Variants in ZFAT observed in about 807,000 individuals in gnomAD.
The protein encoded by ZFAT is zinc finger protein ZFAT.
A neutral mutation model predicts 117.7 loss-of-function variants in ZFAT; 64 were observed. That is an observed-to-expected ratio of 0.54 (90% confidence interval 0.44 to 0.67). The LOEUF is 0.67. Ranked by LOEUF, ZFAT falls within the 30% of genes least tolerant of loss-of-function variation. ZFAT has a pLI of 0.00. For synonymous variants in ZFAT, 679 were observed against 615.0 expected, an observed-to-expected ratio of 1.10 and a Z score of -1.54; for missense variants, 1,433 against 1,584.5, an observed-to-expected ratio of 0.90 and a Z score of 1.62.
At chr8:134,769,399 C>A in the ZFAT span, among the ~76,000 whole-genome samples, 1 of 152,314 alleles carries the variant, frequency 6.6e-6, no homozygotes, top group Non-Finnish European at 1.5e-5. Flanking sequence ...GCAGTCAAAT[C>A]TTAAAGTTCC....
At chr8:134,825,803 G>C in the ZFAT span, among the ~76,000 whole-genome samples, 1 of 152,076 alleles carries the variant, frequency 6.6e-6, no homozygotes, top group Admixed American at 6.5e-5. Context: ...GGCGGATCAC[G>C]AGGTCAGGAG....
intron 1 of ZFAT, among the ~76,000 whole-genome samples, chr8:134,665,747 G>A (rs1056606643): frequency 3.3e-5 from 5 of 152,124 alleles, no homozygotes; most frequent in African/African-American, 1.2e-4. Flanking sequence ...CAGAGAGAGA[G>A]AGATGGACAG....
the ZFAT span, among the ~76,000 whole-genome samples, chr8:134,829,000 T>A: frequency 7.2e-5 from 11 of 152,224 alleles, no homozygotes; most frequent in African/African-American, 2.4e-4. Flanking sequence ...TGGGTATAAC[T>A]GCTTGTTGGC....
intron 1 of ZFAT, 105 bp downstream of exon 1, chr8:134,712,740 G>A (rs1415056333): frequency 1.9e-5 from 22 of 1,164,170 alleles, no homozygotes; most frequent in Non-Finnish European, 2.5e-5. Context: ...CCGGCGGCCG[G>A]CGGCCGGCGC....
At chr8:134,614,916 G>T (rs1220636624) in intron 3 of ZFAT, among the ~76,000 whole-genome samples, 1 of 152,132 alleles carries the variant, frequency 6.6e-6, no homozygotes, top group East Asian at 1.9e-4. Context: ...CATACAAATA[G>T]GTGGAACTAT....
chr8:134,770,260 A>G, the ZFAT span, among the ~76,000 whole-genome samples: 10 of 152,096 alleles, frequency 6.6e-5, no homozygotes, highest in Non-Finnish European at 1.5e-4. Flanking sequence ...CATAAAACTG[A>G]ATTGTTGCGG....
intron 10 of ZFAT, among the ~76,000 whole-genome samples, chr8:134,567,418 G>A (rs375789328): frequency 6.6e-6 from 1 of 151,940 alleles, no homozygotes; most frequent in Admixed American, 6.6e-5. Flanking sequence ...AAGCCCCTAA[G>A]CTGGTTTCCT....
Position 134,514,265 on chromosome 8 carries a change from G to A in ZFAT, c.3235-1664C>T, listed in dbSNP as rs1002040104. ...GTTCACGGCTCTGCATAAAGTGCTA[G>A]CATCAGCTGGAAGCGAGGCTTTACT... On this transcript the variant is annotated intron_variant, in intron 13 of 15. Coordinates refer to ENST00000377838, the MANE Select transcript of ZFAT (RefSeq NM_020863.4). Among the ~76,000 whole-genome samples the A allele has an allele frequency of 2.6e-5, 4 of 152,322 alleles. No individual in the cohort carries two copies. The South Asian group carries it at 8.3e-4, about 32-fold the overall frequency.
chr8:134,693,369 A>C (rs1310663420), intron 1 of ZFAT, among the ~76,000 whole-genome samples: 5 of 152,230 alleles, frequency 3.3e-5, no homozygotes, highest in Non-Finnish European at 5.9e-5. Context: ...CTGAGCACCA[A>C]ATTAAACAAT....
chr8:134,786,249 C>G, the ZFAT span, among the ~76,000 whole-genome samples: 1 of 152,246 alleles, frequency 6.6e-6, no homozygotes, highest in South Asian at 2.1e-4. Context: ...TTCTTCTAGT[C>G]TCACTGCACT....
chr8:134,629,329 T>C (rs917779624), intron 3 of ZFAT, among the ~76,000 whole-genome samples: 49 of 151,942 alleles, frequency 3.2e-4, no homozygotes, highest in Admixed American at 3.9e-4. Flanking sequence ...ACACAGCTGG[T>C]GGTGAAATCA....
the ZFAT span, among the ~76,000 whole-genome samples, chr8:134,825,676 T>C: frequency 6.6e-6 from 1 of 152,206 alleles, no homozygotes; most frequent in Non-Finnish European, 1.5e-5. Context: ...AAGCTGTCAA[T>C]ACATCATTTG....
At chr8:134,654,340 AAAGT>A (rs1271008065) in intron 2 of ZFAT, among the ~76,000 whole-genome samples, 2 of 152,218 alleles carry the variant, frequency 1.3e-5, no homozygotes, top group African/African-American at 4.8e-5. Flanking sequence ...AAAAAAGTAC[AAAGT>A]AAAAGTGTAA....
At position 134,490,032 on chromosome 8, in the gene ZFAT, C is replaced by A. The variant is rs114357898; in HGVS notation, c.3493-11311G>T. 2.0e-5 allele frequency among the ~76,000 whole-genome samples: 3 copies of A among 152,168 alleles called. No individual in the cohort carries two copies. In the East Asian group the frequency reaches 5.8e-4, roughly 29 times the overall value. On this transcript the variant is annotated intron_variant, in intron 15 of 15. Coordinates refer to ENST00000377838, the MANE Select transcript of ZFAT (RefSeq NM_020863.4). ...CTCCACTGTGAAATGCAGACCAGAG[C>A]GCCCCAGTCCTCCCCTCCCCAGAGG...
chr8:134,597,263 A>G (rs186312670), intron 7 of ZFAT, among the ~76,000 whole-genome samples: 124 of 152,332 alleles, frequency 8.1e-4, no homozygotes, highest in African/African-American at 2.8e-3. Flanking sequence ...TGCAGGCTCA[A>G]AAGACAAATG....
At position 134,517,284 on chromosome 8, in the gene ZFAT, T is replaced by C. The variant is rs530152545; in HGVS notation, c.3234+3599A>G. 3.9e-5 allele frequency among the ~76,000 whole-genome samples: 6 copies of C among 152,270 alleles called. No homozygotes were observed. The East Asian group carries it at 1.2e-3, about 29-fold the overall frequency. On this transcript the variant is annotated intron_variant, in intron 13 of 15. Transcript: ENST00000377838. ...ATTTTGTTATTATTATATAAAATAC[T>C]TTTACAATATTTTATATATAATCAG...
At chr8:134,706,320 T>C (rs1014205545) in intron 1 of ZFAT, among the ~76,000 whole-genome samples, 25 of 152,284 alleles carry the variant, frequency 1.6e-4, no homozygotes, top group African/African-American at 5.5e-4. Flanking sequence ...AAGCTTTATG[T>C]TGAATAAAGG....
intron 1 of ZFAT, among the ~76,000 whole-genome samples, chr8:134,682,039 C>T (rs1037013650): frequency 5.9e-5 from 9 of 152,180 alleles, no homozygotes; most frequent in South Asian, 2.1e-4. Context: ...ACTTCATTAC[C>T]GTCATTATAC....
intron 7 of ZFAT, chr8:134,599,074 C>T (rs112070444): frequency 0.02 from 3,017 of 152,334 alleles, 48 homozygotes; most frequent in South Asian, 0.05. Context: ...TGCCACCTCA[C>T]TTTTCCCGGC....
Sources: allele counts gnomAD v4.1 joint callset (sites outside exome capture counted in the v4.1 genomes callset), GRCh38; gene constraint gnomAD v4.1.1; transcripts MANE v1.5; gene names NCBI Gene and HGNC (gene_info 2026-07-23, HGNC 2026-07-21).